Variants in ADAMTSL1 observed in about 807,000 individuals in gnomAD.
ADAMTSL1 encodes the protein ADAMTS-like protein 1.
In ADAMTSL1, 126 loss-of-function variants were observed where a neutral mutation model predicts 201.8. That is an observed-to-expected ratio of 0.62 (90% confidence interval 0.54 to 0.72). The LOEUF is 0.72. ADAMTSL1 is among the 30% of genes least tolerant of loss of function. ADAMTSL1 has a pLI of 0.00. For missense variants in ADAMTSL1, 2,679 were observed against 2,277.8 expected (o/e 1.18, Z -3.59); for synonymous variants, 1,121 against 903.4 (o/e 1.24, Z -4.32).
At chr9:18,199,775 A>C (rs545121493) in intron 2 of ADAMTSL1, among the ~76,000 whole-genome samples, 1 of 152,142 alleles carries the variant, frequency 6.6e-6, no homozygotes, top group African/African-American at 2.4e-5. Context: ...ACAGGATGCA[A>C]GATTTATAAA....
intron 22 of ADAMTSL1, 40 bp from the exon 23 acceptor site, chr9:18,829,803 G>A: frequency 1.9e-6 from 3 of 1,612,702 alleles, no homozygotes; most frequent in Non-Finnish European, 2.5e-6. Context: ...ACACAGCCCT[G>A]TGCTTTAACC....
At chr9:18,200,001 C>T (rs1829369022) in intron 2 of ADAMTSL1, among the ~76,000 whole-genome samples, 2 of 151,972 alleles carry the variant, frequency 1.3e-5, no homozygotes, top group Non-Finnish European at 2.9e-5. Flanking sequence ...ATGAAATGAT[C>T]TGATGGCTCA....
intron 2 of ADAMTSL1, among the ~76,000 whole-genome samples, chr9:18,270,743 A>G (rs1460154613): frequency 6.6e-6 from 1 of 152,200 alleles, no homozygotes; most frequent in Non-Finnish European, 1.5e-5. Context: ...AAGAGTTGTC[A>G]TGGGGAAGTA....
upstream of ADAMTSL1, among the ~76,000 whole-genome samples, chr9:18,470,056 T>C (rs1318531396): frequency 6.6e-6 from 1 of 152,190 alleles, no homozygotes; most frequent in Non-Finnish European, 1.5e-5. Flanking sequence ...ACTCTCAGTG[T>C]ATGTAGCTAT....
intron 9 of ADAMTSL1, among the ~76,000 whole-genome samples, chr9:18,667,648 C>T (rs946562609): frequency 1.3e-5 from 2 of 152,038 alleles, no homozygotes; most frequent in African/African-American, 2.4e-5. Context: ...TCATGATAAG[C>T]GCTCAATAAA....
At chr9:18,287,432 C>G (rs1302855049) in intron 2 of ADAMTSL1, among the ~76,000 whole-genome samples, 1 of 151,080 alleles carries the variant, frequency 6.6e-6, no homozygotes, top group Non-Finnish European at 1.5e-5. Flanking sequence ...TGTAATATTT[C>G]TACATATATG....
chr9:18,123,217 A>G (rs936458044), intron 1 of ADAMTSL1, among the ~76,000 whole-genome samples: 2 of 152,306 alleles, frequency 1.3e-5, no homozygotes, highest in East Asian at 1.9e-4. Flanking sequence ...TTCATCTTCC[A>G]GATTGCATTG....
intron 1 of ADAMTSL1, among the ~76,000 whole-genome samples, chr9:17,954,832 A>G (rs1827869366): frequency 6.6e-6 from 1 of 152,190 alleles, no homozygotes; most frequent in Admixed American, 6.5e-5. Context: ...CACTCTGTAC[A>G]GGAAAGGTTC....
intron 2 of ADAMTSL1, among the ~76,000 whole-genome samples, chr9:18,419,484 CA>C (rs146940809): frequency 0.029 from 4,477 of 152,134 alleles, 206 homozygotes; most frequent in African/African-American, 0.095. Flanking sequence ...TATGTTTGCA[CA>C]AAAACCTGTA....
At chr9:18,636,668 G>A (rs190344230) in intron 6 of ADAMTSL1, among the ~76,000 whole-genome samples, 2 of 152,290 alleles carry the variant, frequency 1.3e-5, no homozygotes, top group African/African-American at 2.4e-5. Context: ...TGCCAAGGCA[G>A]CAGTACAGAG....
chr9:18,384,068 A>G (rs953163965), intron 2 of ADAMTSL1, among the ~76,000 whole-genome samples: 2 of 152,182 alleles, frequency 1.3e-5, no homozygotes, highest in African/African-American at 2.4e-5. Context: ...TCACACTGCT[A>G]TAAAGACATA....
chr9:18,872,143 C>G (rs956781311), intron 23 of ADAMTSL1, among the ~76,000 whole-genome samples: 2 of 133,034 alleles, frequency 1.5e-5, no homozygotes, highest in Non-Finnish European at 1.6e-5. Context: ...CTGCCTGTAT[C>G]ATTCCTAAAT....
chr9:18,883,880 G>T (rs964862983), intron 23 of ADAMTSL1, among the ~76,000 whole-genome samples: 1 of 152,086 alleles, frequency 6.6e-6, no homozygotes, highest in African/African-American at 2.4e-5. Flanking sequence ...ATGAACATAG[G>T]TGTACAAATA....
At chr9:17,943,025 G>A (rs1215222581) in intron 1 of ADAMTSL1, among the ~76,000 whole-genome samples, 1 of 152,062 alleles carries the variant, frequency 6.6e-6, no homozygotes, top group African/African-American at 2.4e-5. Context: ...GGTCTTAAGT[G>A]ATCCTCCTGC....
chr9:18,504,938 G>A lies in ADAMTSL1; in HGVS notation c.173G>A (p.Arg58Lys), dbSNP rs746118437. Residue 58 changes from arginine to lysine, a missense_variant, in exon 2 of 29, where the codon AGG becomes AAG. Physicochemically the swap from Arg to Lys is conservative, Grantham distance 26. Coordinates refer to ENST00000380548, the MANE Select transcript of ADAMTSL1 (RefSeq NM_001040272.6). ...TCGGGASYSLRRCLSSKSCEG... is the reference protein window; with the variant it reads ...TCGGGASYSLKRCLSSKSCEG... Reference sequence around the variant, plus strand: ...GGGGGTGGGGCCTCCTACTCTCTGAGGCGCTGCCTGAGCAGCAAGTAAGTC... The same window carrying A: ...GGGGGTGGGGCCTCCTACTCTCTGAAGCGCTGCCTGAGCAGCAAGTAAGTC... The A allele has an allele frequency of 1.5e-5, 24 of 1,609,726 alleles. No individual in the cohort carries two copies. The East Asian group carries it at 5.4e-4, about 36-fold the overall frequency.
chr9:18,233,671 C>T (rs1300320435), intron 2 of ADAMTSL1, among the ~76,000 whole-genome samples: 1 of 151,866 alleles, frequency 6.6e-6, no homozygotes. Context: ...CCTTGAACAC[C>T]TTATTGGAAA....
At chr9:18,526,303 C>A (rs1819044359) in intron 2 of ADAMTSL1, among the ~76,000 whole-genome samples, 1 of 152,232 alleles carries the variant, frequency 6.6e-6, no homozygotes, top group Non-Finnish European at 1.5e-5. Context: ...AGATCTTCCT[C>A]CATCCCTTTG....
intron 1 of ADAMTSL1, among the ~76,000 whole-genome samples, chr9:18,487,261 G>A (rs1332552328): frequency 3.9e-5 from 6 of 152,088 alleles, no homozygotes; most frequent in Non-Finnish European, 7.4e-5. Context: ...TTTTAATCAG[G>A]CATTGGAATC....
intron 2 of ADAMTSL1, among the ~76,000 whole-genome samples, chr9:18,514,576 C>T (rs371313498): frequency 2.6e-5 from 4 of 152,056 alleles, no homozygotes; most frequent in Non-Finnish European, 2.9e-5. Context: ...ATGATCCGCC[C>T]GCCTCGGCCT....
Sources: allele counts gnomAD v4.1 joint callset (sites outside exome capture counted in the v4.1 genomes callset), GRCh38; gene constraint gnomAD v4.1.1; transcripts MANE v1.5; gene names NCBI Gene and HGNC (gene_info 2026-07-23, HGNC 2026-07-21).